The following HIVEP2 variants were observed in gnomAD, a reference collection of about 807,000 sequenced individuals.
The protein encoded by HIVEP2 is transcription factor HIVEP2.
In HIVEP2, 14 loss-of-function variants were observed where a neutral mutation model predicts 180.7. That is an observed-to-expected ratio of 0.08 (90% CI 0.05 to 0.12). HIVEP2 has a LOEUF of 0.12. HIVEP2 is among the 10% of genes least tolerant of loss of function. The probability of loss-of-function intolerance (pLI) is 1.00; values close to 1 mark genes in which losing one functional copy is unlikely to be tolerated. For synonymous variants in HIVEP2, 1,184 were observed against 1,136.4 expected (o/e 1.04, Z -0.84); for missense variants, 2,579 against 3,008.5 (o/e 0.86, Z 3.34).
At chr6:142,942,670 T>C (rs960212181) in intron 1 of HIVEP2, among the ~76,000 whole-genome samples, 2 of 152,206 alleles carry the variant, frequency 1.3e-5, no homozygotes, top group African/African-American at 4.8e-5. Context: ...ACCAAACACC[T>C]CTACAAGGAT....
intron 1 of HIVEP2, among the ~76,000 whole-genome samples, chr6:142,894,231 A>G (rs953487830): frequency 1.3e-5 from 2 of 152,224 alleles, no homozygotes; most frequent in African/African-American, 4.8e-5. Flanking sequence ...GTGATCTGCT[A>G]CAATCTATAA....
chr6:142,900,025 G>C (rs1777093122), intron 1 of HIVEP2, among the ~76,000 whole-genome samples: 1 of 152,064 alleles, frequency 6.6e-6, no homozygotes, highest in African/African-American at 2.4e-5. Flanking sequence ...TTAATATAAG[G>C]TCTAAACCTT....
chr6:142,936,919 T>C (rs1778073351), intron 1 of HIVEP2, among the ~76,000 whole-genome samples: 1 of 152,090 alleles, frequency 6.6e-6, no homozygotes, highest in Non-Finnish European at 1.5e-5. Context: ...TAAATCTCTG[T>C]TGAATTAATA....
intron 2 of HIVEP2, among the ~76,000 whole-genome samples, chr6:142,802,056 T>A (rs1304058305): frequency 6.6e-6 from 1 of 152,160 alleles, no homozygotes; most frequent in Non-Finnish European, 1.5e-5. Context: ...TACTACCAGC[T>A]GCTGTAACAA....
Position 142,903,565 on chromosome 6 carries a change from C to T in HIVEP2, c.-641+41534G>A, listed in dbSNP as rs771605602. On this transcript the variant is annotated intron_variant, in intron 1 of 9. Transcript: ENST00000367603. ...TATGTTATAATACTAATGCATTATG[C>T]ATTCCTGCTCGACCCCATAAATTAA... 1.6e-4 allele frequency among the ~76,000 whole-genome samples: 24 copies of T among 152,164 alleles called. 1 individual carries two copies. The highest frequency in any genetic ancestry group is 8.8e-5 in the Non-Finnish European group (6 of 68,032).
intron 2 of HIVEP2, 125 bp from the exon 3 acceptor site, chr6:142,783,740 T>A (rs1437661523): frequency 6.6e-6 from 1 of 151,726 alleles, no homozygotes; most frequent in Non-Finnish European, 1.5e-5. Flanking sequence ...ACTGGATCTC[T>A]CAAGAAGCTT....
At chr6:142,855,776 G>A (rs1775803651) in intron 1 of HIVEP2, among the ~76,000 whole-genome samples, 1 of 152,152 alleles carries the variant, frequency 6.6e-6, no homozygotes, top group South Asian at 2.1e-4. Flanking sequence ...TTGGACTCAG[G>A]CTTTACTGGT....
intron 1 of HIVEP2, among the ~76,000 whole-genome samples, chr6:142,910,336 C>T (rs1324673249): frequency 1.3e-5 from 2 of 152,242 alleles, no homozygotes; most frequent in African/African-American, 4.8e-5. Context: ...GGCATGGTGG[C>T]TTGCGCCTGT....
chr6:142,821,495 A>G (rs1777038096), intron 2 of HIVEP2, among the ~76,000 whole-genome samples: 1 of 152,062 alleles, frequency 6.6e-6, no homozygotes, highest in Non-Finnish European at 1.5e-5. Context: ...AAGTTACCTA[A>G]CCTCTCCGTG....
intron 2 of HIVEP2, among the ~76,000 whole-genome samples, chr6:142,808,711 G>A (rs1776615325): frequency 6.7e-6 from 1 of 150,140 alleles, no homozygotes; most frequent in Admixed American, 6.6e-5. Flanking sequence ...GAGGGATGGA[G>A]GAAAGGATGG....
chr6:142,930,344 A>G (rs989460288), intron 1 of HIVEP2, among the ~76,000 whole-genome samples: 2 of 152,198 alleles, frequency 1.3e-5, no homozygotes, highest in Non-Finnish European at 2.9e-5. Flanking sequence ...TTGCTTCACA[A>G]TCTTTGGTTC....
At chr6:142,912,258 T>A (rs1777429016) in intron 1 of HIVEP2, among the ~76,000 whole-genome samples, 1 of 152,234 alleles carries the variant, frequency 6.6e-6, no homozygotes, top group Non-Finnish European at 1.5e-5. Flanking sequence ...CTCCAGAGTG[T>A]CAGTCTTTCT....
At chr6:142,844,119 C>T (rs1775444919) in intron 1 of HIVEP2, among the ~76,000 whole-genome samples, 1 of 152,112 alleles carries the variant, frequency 6.6e-6, no homozygotes, top group African/African-American at 2.4e-5. Flanking sequence ...GGGAAGAAAA[C>T]ATATCCAGAA....
intron 1 of HIVEP2, among the ~76,000 whole-genome samples, chr6:142,891,407 T>A (rs1776858580): frequency 6.7e-6 from 1 of 149,984 alleles, no homozygotes; most frequent in African/African-American, 2.4e-5. Context: ...TGTTTATATA[T>A]AATTTAATAT....
At chr6:142,928,990 C>T (rs184783777) in intron 1 of HIVEP2, among the ~76,000 whole-genome samples, 3 of 152,314 alleles carry the variant, frequency 2.0e-5, no homozygotes, top group African/African-American at 7.2e-5. Context: ...TCCACTGTAT[C>T]CAATCCTAGG....
chr6:142,865,959 C>T (rs1193354535), intron 1 of HIVEP2, among the ~76,000 whole-genome samples: 1 of 152,176 alleles, frequency 6.6e-6, no homozygotes. Context: ...AGGATCAGAC[C>T]TTGGTTCGAA....
In HIVEP2 at chr6:142,760,239, C is replaced by T. The variant is rs771104722; in HGVS notation, c.6049G>A (p.Asp2017Asn). The T allele has an allele frequency of 1.2e-6, 2 of 1,614,004 alleles. No homozygotes were observed. The highest frequency in any genetic ancestry group is 1.7e-6 in the Non-Finnish European group (2 of 1,180,030). The change falls in exon 9 of 10, where the codon GAC (aspartate) becomes AAC (asparagine). Residue 2017 changes from aspartate to asparagine, a missense_variant. Coordinates refer to ENST00000367603, the MANE Select transcript of HIVEP2 (RefSeq NM_006734.4). Reference protein sequence around the residue: ...TDSEPDKDRLDIPSCMDEECM... With the variant: ...TDSEPDKDRLNIPSCMDEECM... ...TCCTCATCCATACAACTAGGTATGT[C>T]CAATCTGTCTTTGTCTGGTTCTGAG...
At chr6:142,850,537 T>A (rs1775620474) in intron 1 of HIVEP2, among the ~76,000 whole-genome samples, 1 of 152,224 alleles carries the variant, frequency 6.6e-6, no homozygotes, top group Admixed American at 6.5e-5. Context: ...TCCACTTAAA[T>A]CTCTTATTGT....
At chr6:142,897,409 T>C (rs1010909818) in intron 1 of HIVEP2, among the ~76,000 whole-genome samples, 10 of 152,174 alleles carry the variant, frequency 6.6e-5, no homozygotes, top group Non-Finnish European at 1.2e-4. Flanking sequence ...AGATGTACCA[T>C]AATATTCATA....
Sources: allele counts gnomAD v4.1 joint callset (sites outside exome capture counted in the v4.1 genomes callset), GRCh38; gene constraint gnomAD v4.1.1; transcripts MANE v1.5; gene names NCBI Gene and HGNC (gene_info 2026-07-23, HGNC 2026-07-21).